The following ERC1 variants were observed in gnomAD, a reference collection of about 807,000 sequenced individuals.
ERC1 encodes RAB6 interacting protein 2.
In ERC1, 56 loss-of-function variants were observed where a neutral mutation model predicts 132.0. The ratio of observed to expected loss-of-function variants is 0.42; its 90% CI spans 0.34 to 0.53. ERC1 has a LOEUF of 0.53. Ranked by LOEUF, ERC1 falls within the 20% of genes least tolerant of loss-of-function variation. The probability of loss-of-function intolerance (pLI) is 0.03; values close to 1 mark genes in which losing one functional copy is unlikely to be tolerated. For synonymous variants in ERC1, 478 were observed against 476.1 expected (o/e 1.00, Z -0.05); for missense variants, 1,202 against 1,349.9 (o/e 0.89, Z 1.72).
At chr12:1,123,236 C>A (rs751231864) in intron 7 of ERC1, among the ~76,000 whole-genome samples, 13 of 151,800 alleles carry the variant, frequency 8.6e-5, no homozygotes, top group Non-Finnish European at 1.6e-4. Flanking sequence ...CTAGAAAAAT[C>A]AAAATGGAAT....
chr12:1,032,893 G>T (rs888456865), intron 2 of ERC1, among the ~76,000 whole-genome samples: 8 of 151,692 alleles, frequency 5.3e-5, no homozygotes, highest in African/African-American at 1.9e-4. Context: ...GTTGTTTTGA[G>T]ACAGAGCCTC....
chr12:1,484,260 G>C (rs376099210), intron 18 of ERC1, among the ~76,000 whole-genome samples: 5 of 151,218 alleles, frequency 3.3e-5, no homozygotes, highest in East Asian at 2.0e-4. Context: ...AGCCGAGATC[G>C]CACCACTGCA....
At position 1,083,374 on chromosome 12, in the gene ERC1, C is replaced by A. The variant is rs1012609832; in HGVS notation, c.880C>A (p.Arg294Ser). 6.2e-7 allele frequency: 1 copy of A among 1,614,068 alleles called. No individual in the cohort carries two copies. Among genetic ancestry groups the A allele is most frequent in the East Asian group, 2.2e-5 (1 of 44,876 alleles). Residue 294 changes from arginine to serine, a missense_variant, in exon 3 of 19, where the codon CGT becomes AGT. Arg to Ser is a moderately radical substitution (Grantham distance 110). Transcript: ENST00000360905. ...LRKTLEEMEL[R>S]IETQKQTLNA... Reference sequence around the variant, plus strand: ...AAAGACATTGGAGGAAATGGAGCTGCGTATTGAGACTCAAAAGCAGACCCT... The same window carrying A: ...AAAGACATTGGAGGAAATGGAGCTGAGTATTGAGACTCAAAAGCAGACCCT...
chr12:1,189,081 A>G (rs1220751181), intron 11 of ERC1, among the ~76,000 whole-genome samples: 1 of 151,342 alleles, frequency 6.6e-6, no homozygotes, highest in Non-Finnish European at 1.5e-5. Flanking sequence ...TTCTTAAACA[A>G]TTTTTTTTTC....
intron 16 of ERC1, among the ~76,000 whole-genome samples, chr12:1,381,962 G>A (rs1300391073): frequency 6.6e-6 from 1 of 152,210 alleles, no homozygotes; most frequent in Non-Finnish European, 1.5e-5. Context: ...ACTTGGACTA[G>A]AGTTGTTAAT....
chr12:1,390,613 C>G (rs1485147528), intron 16 of ERC1: 2 of 152,056 alleles, frequency 1.3e-5, no homozygotes, highest in African/African-American at 4.8e-5. Context: ...TTAGGATGCC[C>G]AAAGGTACTG....
At chr12:1,436,142 G>A (rs543853923) in intron 17 of ERC1, among the ~76,000 whole-genome samples, 42 of 147,026 alleles carry the variant, frequency 2.9e-4, no homozygotes, top group Non-Finnish European at 5.3e-4. Context: ...GCCCTTCCAT[G>A]TACAGACAGA....
At chr12:1,173,095 C>T (rs1266086642) in intron 8 of ERC1, among the ~76,000 whole-genome samples, 3 of 152,034 alleles carry the variant, frequency 2.0e-5, no homozygotes, top group Admixed American at 1.3e-4. Flanking sequence ...AGTACATGAT[C>T]GTAGCAATGG....
intron 12 of ERC1, among the ~76,000 whole-genome samples, chr12:1,192,966 C>T (rs1955881279): frequency 6.6e-6 from 1 of 152,106 alleles, no homozygotes; most frequent in African/African-American, 2.4e-5. Flanking sequence ...ACTGTAGTGC[C>T]ACACTGTAGA....
chr12:1,102,901 C>G (rs559384202), intron 3 of ERC1, among the ~76,000 whole-genome samples: 18 of 152,146 alleles, frequency 1.2e-4, no homozygotes, highest in Non-Finnish European at 1.9e-4. Context: ...TGAAAAATTT[C>G]AAGCCTACAC....
chr12:1,190,118 GACAT>G, intron 12 of ERC1, 66 bp downstream of exon 12: 1 of 1,382,088 alleles, frequency 7.2e-7, no homozygotes, highest in Non-Finnish European at 1.0e-6. Flanking sequence ...TGCTTTTGGG[GACAT>G]ACTTTTTCAG....
At chr12:1,172,162 G>T (rs1953134284) in intron 8 of ERC1, among the ~76,000 whole-genome samples, 1 of 152,150 alleles carries the variant, frequency 6.6e-6, no homozygotes, top group South Asian at 2.1e-4. Context: ...TCTCCAAACA[G>T]TTAATTTAAA....
intron 16 of ERC1, among the ~76,000 whole-genome samples, chr12:1,379,092 T>G (rs1215238223): frequency 6.6e-6 from 1 of 152,230 alleles, no homozygotes; most frequent in African/African-American, 2.4e-5. Context: ...TATTTTAGAT[T>G]TATGCTGTAT....
intron 1 of ERC1, among the ~76,000 whole-genome samples, chr12:1,007,488 CTCTCTT>C (rs1405416684): frequency 7.0e-6 from 1 of 142,142 alleles, no homozygotes; most frequent in Non-Finnish European, 1.5e-5. Context: ...CTCTCTCTCT[CTCTCTT>C]TCTCTCTCTC....
chr12:1,397,521 A>G (rs1007723372), intron 16 of ERC1, among the ~76,000 whole-genome samples: 1 of 152,256 alleles, frequency 6.6e-6, no homozygotes, highest in Non-Finnish European at 1.5e-5. Flanking sequence ...AGCGATTCCC[A>G]GAACATACTG....
intron 15 of ERC1, among the ~76,000 whole-genome samples, chr12:1,324,483 A>G (rs1304383390): frequency 6.6e-6 from 1 of 152,174 alleles, no homozygotes; most frequent in Non-Finnish European, 1.5e-5. Context: ...AGACAAATAT[A>G]TATTTTATTT....
rs779732035 is a variant in ERC1, at chr12:1,099,835, A to ATTT, written c.1087-4885_1087-4883dup. On this transcript the variant is annotated intron_variant, in intron 3 of 18. Transcript: ENST00000360905. ...AAGGATGAGCCTGCTTGAGACTTTG[A>ATTT]TTTTTTTTTTTTTTTTTTTTTTTTT... Among the ~76,000 whole-genome samples the ATTT allele has an allele frequency of 1.6e-3, 86 of 54,394 alleles. 5 individuals are homozygous for ATTT. The highest frequency in any genetic ancestry group is 2.5e-3 in the Admixed American group (8 of 3,158). The allele number at this position is 54,394 out of a possible 152,430, so 35.7% of individuals were successfully genotyped here. A position where few individuals can be genotyped will look rare whatever the true frequency, so the allele number is the denominator to read the frequency against.
At chr12:1,178,965 T>C (rs1954056890) in intron 8 of ERC1, among the ~76,000 whole-genome samples, 1 of 152,216 alleles carries the variant, frequency 6.6e-6, no homozygotes, top group African/African-American at 2.4e-5. Flanking sequence ...ATATAGTGAA[T>C]GAATAAACTT....
At chr12:1,233,459 A>T (rs1218352617) in intron 12 of ERC1, among the ~76,000 whole-genome samples, 2 of 136,618 alleles carry the variant, frequency 1.5e-5, no homozygotes, top group East Asian at 2.1e-4. Context: ...CAACAGAGTG[A>T]GACCCTGTCT....
Sources: gnomAD v4.1 joint callset for allele counts (sites outside exome capture counted in the v4.1 genomes callset) on GRCh38, gnomAD v4.1.1 for gene constraint, MANE v1.5 for transcripts, NCBI Gene and HGNC (gene_info 2026-07-23, HGNC 2026-07-21) for gene names.